The following GSTM5 variants were observed in gnomAD, a reference collection of about 807,000 sequenced individuals.
GSTM5 encodes the protein glutathione S-transferase mu 5.
In GSTM5, 24 loss-of-function variants were observed where a neutral mutation model predicts 29.0. The ratio of observed to expected loss-of-function variants is 0.83; its 90% confidence interval spans 0.60 to 1.16. The LOEUF (loss-of-function observed/expected upper bound fraction) is 1.16. GSTM5 is among the 50% of genes most tolerant of loss of function. The pLI, the probability that GSTM5 is intolerant of heterozygous loss-of-function variation, is 0.00. For synonymous variants in GSTM5, 91 were observed against 93.6 expected, an observed-to-expected ratio of 0.97 and a Z score of 0.16; for missense variants, 290 against 263.0, an observed-to-expected ratio of 1.10 and a Z score of -0.71.
At position 109,715,192 on chromosome 1, in the gene GSTM5, G is replaced by C. The variant is rs78955679; in HGVS notation, c.519G>C (p.Lys173Asn). 3,966 of 1,614,196 alleles carry C rather than the reference G, an allele frequency of 2.5e-3. 135 individuals are homozygous for C. The East Asian group carries it at 0.075, about 31-fold the overall frequency. ...VLDMKRIFEP[K>N]CLDAFLNLKD... ...ACATGAAGCGTATATTTGAGCCCAA[G>C]TGCTTGGACGCCTTCCTAAACTTGA... Residue 173 changes from lysine to asparagine, a missense_variant, in exon 7 of 8, where the codon AAG becomes AAC. Physicochemically the swap from Lys to Asn is moderately conservative, Grantham distance 94. Coordinates refer to ENST00000256593, the MANE Select transcript of GSTM5 (RefSeq NM_000851.4).
Position 109,712,362 on chromosome 1 carries a change from C to G in GSTM5, c.36+14C>G, listed in dbSNP as rs758458400. 6.2e-6 allele frequency: 10 copies of G among 1,613,502 alleles called. No homozygotes were observed. The highest frequency in any genetic ancestry group is 8.5e-6 in the Non-Finnish European group (10 of 1,179,468). ...GACATCCGTGGGGTAAGCGAGGGTC[C>G]TCTGGTGGGTGGGACAGGGGGCGGA... On this transcript the variant is annotated intron_variant, in intron 1 of 7. Transcript: ENST00000256593.
chr1:109,715,273 C>A, intron 7 of GSTM5, 33 bp downstream of exon 7: 4 of 1,614,200 alleles, frequency 2.5e-6, no homozygotes, highest in Non-Finnish European at 3.4e-6. Context: ...TCTTTGATGC[C>A]CCTTGTTCCT....
chr1:109,715,712 G>A (rs1411710772), intron 7 of GSTM5: 1 of 455,416 alleles, frequency 2.2e-6, no homozygotes. Context: ...TTGATGTTGA[G>A]TACTAAACCT....
chr1:109,713,611 C>A, intron 4 of GSTM5, 46 bp downstream of exon 4: 1 of 1,614,146 alleles, frequency 6.2e-7, no homozygotes, highest in Non-Finnish European at 8.5e-7. Flanking sequence ...TGACCTCCTC[C>A]TTGGCTGGGC....
chr1:109,712,189 T>A (rs1648539662), upstream of GSTM5: 4 of 1,054,944 alleles, frequency 3.8e-6, no homozygotes, highest in Non-Finnish European at 5.9e-6. Context: ...ATGGCGTGTT[T>A]CGGGGTTGTG....
At chr1:109,716,850 G>C (rs990014254) in intron 7 of GSTM5, 2 of 154,950 alleles carry the variant, frequency 1.3e-5, no homozygotes, top group Admixed American at 6.3e-5. Flanking sequence ...GTGCCGACAA[G>C]GAGTGACAGG....
chr1:109,712,428 A>G (rs1570648690), intron 1 of GSTM5, 80 bp downstream of exon 1: 1 of 1,503,416 alleles, frequency 6.7e-7, no homozygotes, highest in Non-Finnish European at 9.2e-7. Context: ...GGCTCTAGGG[A>G]CCGTTCCTCT....
rs61744262 is a variant in GSTM5 at position 109,715,214 on chromosome 1, T to C, written c.541T>C (p.Leu181=). ...EPKCLDAFLN[L]KDFISRFEGL... Reference sequence around the variant, plus strand: ...CAAGTGCTTGGACGCCTTCCTAAACTTGAAGGACTTCATCTCCCGCTTTGA... The same window carrying C: ...CAAGTGCTTGGACGCCTTCCTAAACCTGAAGGACTTCATCTCCCGCTTTGA... The change falls in exon 7 of 8, where the codon TTG becomes CTG. Residue 181 remains leucine (L), a synonymous_variant. Transcript: ENST00000256593. 0.089 allele frequency: 143,950 copies of C among 1,610,392 alleles called. 9,978 individuals are homozygous for C. The highest frequency in any genetic ancestry group is 0.37 in the African/African-American group (27,396 of 74,580).
rs772817910 is a variant in GSTM5 at position 109,713,650 on chromosome 1, G to A, written c.260-11G>A. 9.3e-6 allele frequency: 15 copies of A among 1,614,210 alleles called. No homozygotes were observed. Among genetic ancestry groups the A allele is most frequent in the Non-Finnish European group, 1.3e-5 (15 of 1,180,032 alleles). ...GATGCTGAGATTGAGTCTGTGTTTT[G>A]TGGGTGGCAGGTGGGGAGACAGAAG... On this transcript the variant is annotated splice_polypyrimidine_tract_variant and intron_variant, in intron 4 of 7. Transcript: ENST00000256593.
chr1:109,712,556 G>C, intron 1 of GSTM5, 62 bp from the exon 2 acceptor site: 1 of 1,584,344 alleles, frequency 6.3e-7, no homozygotes, highest in African/African-American at 1.3e-5. Context: ...GCCTGGTGCA[G>C]AGAAAGTCAC....
Position 109,713,737 on chromosome 1 carries a change from C to A in GSTM5, c.336C>A (p.Val112=). ...TTATGGATAACCACATGGAGCTGGT[C>A]AGACTGTGCTATGACCCAGATTTTG... The part of the protein sequence containing the change: ...NQVMDNHMEL[V]RLCYDPDFEK... The change falls in exon 5 of 8, where the codon GTC becomes GTA. Residue 112 remains valine (V), a synonymous_variant. Coordinates refer to ENST00000256593, the MANE Select transcript of GSTM5 (RefSeq NM_000851.4). 6.2e-7 allele frequency: 1 copy of A among 1,612,818 alleles called. No homozygotes were observed. Among genetic ancestry groups the A allele is most frequent in the African/African-American group, 1.3e-5 (1 of 74,628 alleles).
upstream of GSTM5, chr1:109,712,246 T>G: frequency 1.3e-6 from 2 of 1,554,442 alleles, no homozygotes. Flanking sequence ...TGTCCCCTCC[T>G]GGGCCTCTCA....
In GSTM5 at chr1:109,717,663, T is replaced by C; in HGVS notation, c.*237T>C. 1 of 475,702 alleles carries C rather than the reference T, an allele frequency of 2.1e-6. No homozygotes were observed. The highest frequency in any genetic ancestry group is 3.9e-6 in the Non-Finnish European group (1 of 259,064). 29.5% of individuals were successfully genotyped at this position (475,702 alleles called of 1,614,324 possible). On this transcript the variant is annotated 3_prime_UTR_variant, in exon 8 of 8. Transcript: ENST00000256593. ...AAGTCCCCCTCCTAACGTCTTCCTTTCCCTGCACTAACGCCAACCTGACTG... is the reference window on the plus strand; with the variant it reads ...AAGTCCCCCTCCTAACGTCTTCCTTCCCCTGCACTAACGCCAACCTGACTG...
In GSTM5 at chr1:109,713,539, G is replaced by A. The variant is rs750371938; in HGVS notation, c.233G>A (p.Arg78His). 2.5e-5 allele frequency: 40 copies of A among 1,614,082 alleles called. No individual in the cohort carries two copies. Among genetic ancestry groups the A allele is most frequent in the Non-Finnish European group, 3.2e-5 (38 of 1,180,050 alleles). The change falls in exon 4 of 8, where the codon CGC (arginine) becomes CAC (histidine). Residue 78 changes from arginine (R) to histidine (H), a missense_variant. Coordinates refer to ENST00000256593, the MANE Select transcript of GSTM5 (RefSeq NM_000851.4). ...ATCACCCAGAGCAATGCCATCCTGC[G>A]CTACATTGCCCGCAAGCACAACCTG... is the stretch of plus-strand genomic sequence containing the variant. ...HKITQSNAIL[R>H]YIARKHNLCG... is the part of the protein sequence containing the mutation.
At chr1:109,712,716 G>A in intron 2 of GSTM5, 23 bp downstream of exon 2, 1 of 1,613,434 alleles carries the variant, frequency 6.2e-7, no homozygotes, top group East Asian at 2.2e-5. Context: ...TCGTGTCCGG[G>A]CCCTGCCCAC....
At position 109,715,579 on chromosome 1, in the gene GSTM5, A is replaced by C; in HGVS notation, c.567+339A>C. 6.4e-6 allele frequency: 8 copies of C among 1,258,046 alleles called. No homozygotes were observed. In the South Asian group the frequency reaches 1.3e-4, roughly 20 times the overall value. 77.9% of individuals were successfully genotyped at this position (1,258,046 alleles called of 1,614,324 possible). A position where few individuals can be genotyped will look rare whatever the true frequency, so the allele number is the denominator to read the frequency against. ...GGCAGTCAGGGCTCTCCCATTTGTG[A>C]CAAAAGGAGAAGCCTCAGGCCTCAT... On this transcript the variant is annotated intron_variant, in intron 7 of 7. Coordinates refer to ENST00000256593, the MANE Select transcript of GSTM5 (RefSeq NM_000851.4).
At chr1:109,715,074 T>G in intron 6 of GSTM5, 32 bp downstream of exon 6, 1 of 1,614,056 alleles carries the variant, frequency 6.2e-7, no homozygotes, top group South Asian at 1.1e-5. Context: ...GAATGAGATC[T>G]GTTTTACTTC....
At chr1:109,714,740 C>T in intron 5 of GSTM5, 1 of 612,462 alleles carries the variant, frequency 1.6e-6, no homozygotes, top group Non-Finnish European at 2.9e-6. Context: ...GCATCTCATT[C>T]TGATCACTTC....
At chr1:109,715,683 G>A (rs1435318589) in intron 7 of GSTM5, 8 of 509,996 alleles carry the variant, frequency 1.6e-5, no homozygotes. Context: ...GGCAATAGTA[G>A]GACTGACACA....
Sources: allele counts gnomAD v4.1 joint callset, GRCh38; gene constraint gnomAD v4.1.1; transcripts MANE v1.5; gene names NCBI Gene and HGNC (gene_info 2026-07-23, HGNC 2026-07-21).